Variants in ASS1 observed in about 807,000 individuals in gnomAD.
The protein encoded by ASS1 is argininosuccinate synthase 1.
A neutral mutation model predicts 60.5 loss-of-function variants in ASS1; 58 were observed. That is an observed-to-expected ratio of 0.96 (90% confidence interval 0.78 to 1.19). The LOEUF (loss-of-function observed/expected upper bound fraction) is 1.19, where lower values mean the gene tolerates loss of function less well. Ranked by LOEUF, ASS1 falls within the 50% of genes most tolerant of loss-of-function variation. The pLI, the probability that ASS1 is intolerant of heterozygous loss-of-function variation, is 0.00. For missense variants in ASS1, 454 were observed against 547.3 expected (o/e 0.83, Z 1.70); for synonymous variants, 200 against 206.9 (o/e 0.97, Z 0.29).
chr9:130,471,617 C>T lies in ASS1; in HGVS notation c.597+102C>T, dbSNP rs555694491. On this transcript the variant is annotated intron_variant, in intron 8 of 14. Transcript: ENST00000352480. Reference sequence around the variant, plus strand: ...ATTTATAGCCTAATTTGAAATTTCACGGGGGCCAGCCGTGGGGCTGGGGCC... The same window carrying T: ...ATTTATAGCCTAATTTGAAATTTCATGGGGGCCAGCCGTGGGGCTGGGGCC... 55 of 1,432,650 alleles carry T rather than the reference C, an allele frequency of 3.8e-5. No individual in the cohort carries two copies. The African/African-American group carries it at 4.9e-4, about 13-fold the overall frequency. The allele number at this position is 1,432,650 out of a possible 1,614,324, so 88.7% of individuals were successfully genotyped here. A position where few individuals can be genotyped will look rare whatever the true frequency, so the allele number is the denominator to read the frequency against.
chr9:130,489,311 C>A lies in ASS1; in HGVS notation c.839-22C>A, dbSNP rs761883834. Reference sequence around the variant, plus strand: ...GTTTCTCTCTTTTTTCTCCTTTTCCCCCTGCCTGGAAAAATGGCTAGGTAT... The same window carrying A: ...GTTTCTCTCTTTTTTCTCCTTTTCCACCTGCCTGGAAAAATGGCTAGGTAT... On this transcript the variant is annotated intron_variant, in intron 11 of 14. Transcript: ENST00000352480. The surrounding 1 kb of genome is among the most constrained non-coding windows in gnomAD (Gnocchi z 4.1). The A allele has an allele frequency of 6.2e-7, 1 of 1,613,308 alleles. No homozygotes were observed. The highest frequency in any genetic ancestry group is 8.5e-7 in the Non-Finnish European group (1 of 1,179,826).
intron 8 of ASS1, among the ~76,000 whole-genome samples, chr9:130,472,801 G>GT (rs1390196739): frequency 6.6e-6 from 1 of 152,216 alleles, no homozygotes; most frequent in African/African-American, 2.4e-5. Flanking sequence ...AGCCTGCAGG[G>GT]TGGCTTCCAG....
rs565194782 is a variant in ASS1, at chr9:130,479,425, A to G, written c.689-291A>G. ...GTGGAGCGTGAAATTCAATTAGTTC[A>G]GGGCCTGGTTCCAATTTCACAGCCC... On this transcript the variant is annotated intron_variant, in intron 9 of 14. Transcript: ENST00000352480. Among the ~76,000 whole-genome samples the G allele has an allele frequency of 1.6e-4, 25 of 152,250 alleles. No individual in the cohort carries two copies. The South Asian group carries it at 4.6e-3, about 28-fold the overall frequency.
intron 12 of ASS1, among the ~76,000 whole-genome samples, chr9:130,490,904 G>A (rs991883205): frequency 1.3e-5 from 2 of 152,220 alleles, no homozygotes; most frequent in African/African-American, 4.8e-5. Context: ...GCCCTGAGCT[G>A]TGGGAGGACA....
At chr9:130,446,715 CA>C (rs975983054) in intron 1 of ASS1, among the ~76,000 whole-genome samples, 137 of 152,322 alleles carry the variant, frequency 9.0e-4, no homozygotes, top group African/African-American at 3.1e-3. Flanking sequence ...TTCCCCCTCC[CA>C]ACCCGGGCCC....
rs190985288 is a variant in ASS1 at position 130,488,097 on chromosome 9, A to G, written c.839-1236A>G. 3.9e-3 allele frequency among the ~76,000 whole-genome samples: 598 copies of G among 152,180 alleles called. 6 individuals are homozygous for G. Among genetic ancestry groups the G allele is most frequent in the African/African-American group, 0.013 (557 of 41,526 alleles). ...GGCTGAATAATATTCCATCGTATGG[A>G]TGGACTGCATTTTGCTTCTTCACTC... is the stretch of plus-strand genomic sequence containing the variant. On this transcript the variant is annotated intron_variant, in intron 11 of 14. Coordinates refer to ENST00000352480, the MANE Select transcript of ASS1 (RefSeq NM_054012.4). The surrounding 1 kb of genome is among the most constrained non-coding windows in gnomAD (Gnocchi z 5.2).
chr9:130,447,930 A>C (rs1037556415), intron 1 of ASS1, among the ~76,000 whole-genome samples: 1 of 152,032 alleles, frequency 6.6e-6, no homozygotes, highest in African/African-American at 2.4e-5. Flanking sequence ...CAATCCTTAC[A>C]GTCGCCCTGT....
intron 1 of ASS1, among the ~76,000 whole-genome samples, chr9:130,447,746 C>T (rs1342602050): frequency 6.6e-6 from 1 of 152,130 alleles, no homozygotes; most frequent in African/African-American, 2.4e-5. Flanking sequence ...GGAAGAAAGC[C>T]CAATGTCTGG....
intron 8 of ASS1, among the ~76,000 whole-genome samples, chr9:130,472,503 G>A (rs1027989450): frequency 6.6e-6 from 1 of 152,160 alleles, no homozygotes; most frequent in African/African-American, 2.4e-5. Flanking sequence ...CTCACTTTAT[G>A]GTTGAGGAAA....
chr9:130,450,607 C>T (rs988917564), intron 1 of ASS1, among the ~76,000 whole-genome samples: 2 of 152,236 alleles, frequency 1.3e-5, no homozygotes, highest in Non-Finnish European at 2.9e-5. Flanking sequence ...TGAGCCCCGG[C>T]TGACTGGCAG....
Position 130,459,441 on chromosome 9 carries a change from T to G in ASS1, c.363+852T>G, listed in dbSNP as rs62582567. Among the ~76,000 whole-genome samples, 1,438 of 152,066 alleles carry G rather than the reference T, an allele frequency of 9.5e-3. 15 individuals carry two copies. Among genetic ancestry groups the G allele is most frequent in the African/African-American group, 0.025 (1,029 of 41,468 alleles). ...CTTGGTTACTTTTTGTGTGTGTGTG[T>G]GGGGGAGAGGGACAAAGTCTCACTC... On this transcript the variant is annotated intron_variant, in intron 4 of 14. Coordinates refer to ENST00000352480, the MANE Select transcript of ASS1 (RefSeq NM_054012.4). The surrounding 1 kb of genome is among the most constrained non-coding windows in gnomAD (Gnocchi z 4.6).
chr9:130,445,654 G>T (rs1035911110), intron 1 of ASS1, among the ~76,000 whole-genome samples: 24 of 152,198 alleles, frequency 1.6e-4, no homozygotes, highest in African/African-American at 5.3e-4. Context: ...GGCAGTGCCA[G>T]GAATATTTTC....
chr9:130,458,691 A>C, intron 4 of ASS1, 102 bp downstream of exon 4: 1 of 1,467,790 alleles, frequency 6.8e-7, no homozygotes, highest in Non-Finnish European at 9.3e-7. Context: ...CCTCCGGGGC[A>C]GACTTGGTGC....
intron 2 of ASS1, among the ~76,000 whole-genome samples, chr9:130,453,354 G>A (rs1164622458): frequency 6.6e-6 from 1 of 152,274 alleles, no homozygotes; most frequent in African/African-American, 2.4e-5. Flanking sequence ...TCTCTGGACA[G>A]ACAAAACTTA....
chr9:130,449,725 A>G (rs989871104), intron 1 of ASS1, among the ~76,000 whole-genome samples: 5 of 152,130 alleles, frequency 3.3e-5, no homozygotes, highest in African/African-American at 1.2e-4. Context: ...CTGACTCTAA[A>G]ATGAAGAGAA....
chr9:130,468,922 C>G (rs1341577287), intron 6 of ASS1, among the ~76,000 whole-genome samples: 3 of 152,202 alleles, frequency 2.0e-5, no homozygotes, highest in Non-Finnish European at 4.4e-5. Flanking sequence ...GGGGAGGCAC[C>G]TCGGGACCGA....
At chr9:130,482,003 G>C (rs1019969882) in intron 11 of ASS1, among the ~76,000 whole-genome samples, 2 of 152,124 alleles carry the variant, frequency 1.3e-5, no homozygotes, top group Non-Finnish European at 2.9e-5. Context: ...ACCCTCCAGG[G>C]AGAGCTGGGA....
chr9:130,453,696 G>C (rs958868901), intron 2 of ASS1, among the ~76,000 whole-genome samples: 1 of 152,228 alleles, frequency 6.6e-6, no homozygotes, highest in Non-Finnish European at 1.5e-5. Context: ...CGAATGAAGG[G>C]AGTGAGGGCT....
chr9:130,499,515 CA>C lies in ASS1; in HGVS notation c.1139del (p.Gln380ArgfsTer20), dbSNP rs1213378896. 1 of 1,613,738 alleles carries C rather than the reference CA, an allele frequency of 6.2e-7. No homozygotes were observed. The highest frequency in any genetic ancestry group is 1.1e-5 in the South Asian group (1 of 90,900). ...CTACTCTCCTTGCAGCATGAACGTG[CA>C]GGGTGATTATGAGCCAACTGATGCC... ...YNEELVSMNV[Q>X]GDYEPTDATG... On this transcript the variant is annotated frameshift_variant, in exon 14 of 15. Coordinates refer to ENST00000352480, the MANE Select transcript of ASS1 (RefSeq NM_054012.4). LOFTEE classifies it high-confidence loss of function.
Sources: allele counts gnomAD v4.1 joint callset (sites outside exome capture counted in the v4.1 genomes callset), GRCh38; gene constraint gnomAD v4.1.1; non-coding constraint Gnocchi (gnomAD v3.1); transcripts MANE v1.5; gene names NCBI Gene and HGNC (gene_info 2026-07-23, HGNC 2026-07-21).